INPP4B: variants seen among roughly 807,000 people sequenced by gnomAD.
The protein encoded by INPP4B is inositol polyphosphate 4-phosphatase type II.
A neutral mutation model predicts 122.5 loss-of-function variants in INPP4B; 55 were observed. The observed-to-expected ratio is 0.45, with a 90% CI of 0.36 to 0.56. The LOEUF (loss-of-function observed/expected upper bound fraction) is 0.56, where lower values mean the gene tolerates loss of function less well. INPP4B is among the 20% of genes least tolerant of loss of function. The probability of loss-of-function intolerance (pLI) is 0.00; values close to 1 mark genes in which losing one functional copy is unlikely to be tolerated. For synonymous variants in INPP4B, 403 were observed against 388.7 expected (o/e 1.04, Z -0.43); for missense variants, 1,000 against 1,097.7 (o/e 0.91, Z 1.26).
intron 7 of INPP4B, among the ~76,000 whole-genome samples, chr4:142,391,196 T>A (rs2148990931): frequency 6.6e-6 from 1 of 152,308 alleles, no homozygotes; most frequent in South Asian, 2.1e-4. Context: ...TAATAACCCA[T>A]CAGTTACCAG....
intron 14 of INPP4B, 88 bp downstream of exon 14, chr4:142,208,337 A>C: frequency 1.7e-6 from 1 of 577,776 alleles, no homozygotes; most frequent in South Asian, 3.9e-5. Context: ...TAATTGTTAA[A>C]CTTTTGAATT....
intron 2 of INPP4B, among the ~76,000 whole-genome samples, chr4:142,521,791 T>C (rs1197991935): frequency 6.6e-6 from 1 of 152,136 alleles, no homozygotes; most frequent in Non-Finnish European, 1.5e-5. Flanking sequence ...GTGAATTAAC[T>C]AGTCTTACTA....
At chr4:142,099,317 C>A (rs1783458247) in intron 23 of INPP4B, among the ~76,000 whole-genome samples, 1 of 152,050 alleles carries the variant, frequency 6.6e-6, no homozygotes, top group Non-Finnish European at 1.5e-5. Flanking sequence ...TGTGTCTATG[C>A]AATGACAAAT....
chr4:142,386,006 TTA>T, intron 7 of INPP4B, among the ~76,000 whole-genome samples: 1 of 152,124 alleles, frequency 6.6e-6, no homozygotes, highest in East Asian at 1.9e-4. Flanking sequence ...TCACTAAAGC[TTA>T]TCTCTTTGAT....
intron 7 of INPP4B, among the ~76,000 whole-genome samples, chr4:142,354,781 T>A (rs1157451009): frequency 6.6e-6 from 1 of 152,042 alleles, no homozygotes; most frequent in East Asian, 1.9e-4. Context: ...AATTCTGCCT[T>A]CGCATATTCC....
chr4:142,136,181 C>G (rs1229485237), intron 18 of INPP4B, among the ~76,000 whole-genome samples: 1 of 152,134 alleles, frequency 6.6e-6, no homozygotes, highest in Admixed American at 6.5e-5. Context: ...GTCAGCCTCA[C>G]CCTGGCTCTT....
At chr4:142,177,418 C>T (rs927312305) in intron 15 of INPP4B, among the ~76,000 whole-genome samples, 2 of 151,964 alleles carry the variant, frequency 1.3e-5, no homozygotes, top group African/African-American at 2.4e-5. Flanking sequence ...ATAAAAACAA[C>T]ATAACTAAAC....
At chr4:142,593,703 T>C (rs1421285800) in intron 2 of INPP4B, among the ~76,000 whole-genome samples, 2 of 152,130 alleles carry the variant, frequency 1.3e-5, no homozygotes, top group Non-Finnish European at 2.9e-5. Context: ...TCTTTCTCCA[T>C]AGAATTTATT....
intron 2 of INPP4B, among the ~76,000 whole-genome samples, chr4:142,701,676 G>C (rs1761790415): frequency 1.3e-5 from 2 of 151,844 alleles, no homozygotes; most frequent in Admixed American, 6.6e-5. Flanking sequence ...CTGAACCATT[G>C]CTTATAATCA....
intron 2 of INPP4B, among the ~76,000 whole-genome samples, chr4:142,549,149 T>G (rs1727370198): frequency 6.6e-6 from 1 of 152,120 alleles, no homozygotes; most frequent in African/African-American, 2.4e-5. Context: ...TCCTTTCACT[T>G]AACCCGCACT....
rs1428325097 is a variant in INPP4B at position 142,024,893 on chromosome 4, AG to A, written c.*3888del. On this transcript the variant is annotated 3_prime_UTR_variant, in exon 26 of 26. Coordinates refer to ENST00000262992, the MANE Select transcript of INPP4B (RefSeq NM_001101669.3). The stretch of plus-strand genomic sequence containing the variant: ...TCTGGCAAAGCATTATCAGGAGAAA[AG>A]GTGATTTAATAATTTAATTATGAAT... 1 of 152,164 alleles carries A rather than the reference AG, an allele frequency of 6.6e-6. No homozygotes were observed. Among genetic ancestry groups the A allele is most frequent in the Non-Finnish European group, 1.5e-5 (1 of 68,028 alleles). 9.4% of individuals were successfully genotyped at this position (152,164 alleles called of 1,614,324 possible). A position where few individuals can be genotyped will look rare whatever the true frequency, so the allele number is the denominator to read the frequency against.
At chr4:142,595,352 A>G (rs867453843) in intron 2 of INPP4B, among the ~76,000 whole-genome samples, 29 of 152,128 alleles carry the variant, frequency 1.9e-4, no homozygotes, top group African/African-American at 7.0e-4. Flanking sequence ...ACCAATTAAT[A>G]TATTAATGAC....
intron 2 of INPP4B, among the ~76,000 whole-genome samples, chr4:142,677,703 G>A (rs908071462): frequency 6.6e-6 from 1 of 152,092 alleles, no homozygotes; most frequent in Non-Finnish European, 1.5e-5. Flanking sequence ...GGACATGGAT[G>A]AAGCTGGAAA....
chr4:142,376,085 C>CTT (rs1791740153), intron 7 of INPP4B, among the ~76,000 whole-genome samples: 1 of 151,882 alleles, frequency 6.6e-6, no homozygotes, highest in Non-Finnish European at 1.5e-5. Flanking sequence ...GTGCATATGT[C>CTT]ATTTCTTTAT....
At chr4:142,648,240 C>A (rs772961079) in intron 2 of INPP4B, among the ~76,000 whole-genome samples, 13 of 152,230 alleles carry the variant, frequency 8.5e-5, no homozygotes, top group Admixed American at 3.9e-4. Context: ...GTCTTCAGCT[C>A]CCAGCATGAT....
chr4:142,817,653 C>A (rs945448911), intron 1 of INPP4B, among the ~76,000 whole-genome samples: 1 of 152,128 alleles, frequency 6.6e-6, no homozygotes, highest in East Asian at 1.9e-4. Flanking sequence ...ACATAAACCA[C>A]AAACCATGAA....
At chr4:142,189,855 G>A (rs1055240698) in intron 15 of INPP4B, among the ~76,000 whole-genome samples, 1 of 152,132 alleles carries the variant, frequency 6.6e-6, no homozygotes, top group Non-Finnish European at 1.5e-5. Context: ...ACTCCTCAAA[G>A]TTCCTAAGCA....
chr4:142,797,639 C>T (rs1391395790), intron 1 of INPP4B, among the ~76,000 whole-genome samples: 7 of 151,448 alleles, frequency 4.6e-5, no homozygotes, highest in African/African-American at 1.7e-4. Context: ...AAGGGAATAT[C>T]CTAAGTGCTT....
intron 9 of INPP4B, among the ~76,000 whole-genome samples, chr4:142,298,132 AAAG>A (rs1262591081): frequency 2.6e-5 from 4 of 152,286 alleles, no homozygotes; most frequent in African/African-American, 9.6e-5. Context: ...ACAAAACAGG[AAAG>A]AAGATTTAGA....
Sources: allele counts gnomAD v4.1 joint callset (sites outside exome capture counted in the v4.1 genomes callset), GRCh38; gene constraint gnomAD v4.1.1; transcripts MANE v1.5; gene names NCBI Gene and HGNC (gene_info 2026-07-23, HGNC 2026-07-21).